RGS3: variants seen among roughly 807,000 people sequenced by gnomAD.
The protein encoded by RGS3 is regulator of G protein signaling 3.
In RGS3, 80 loss-of-function variants were observed where a neutral mutation model predicts 132.6. The observed-to-expected ratio is 0.60, with a 90% CI of 0.50 to 0.73. The LOEUF (loss-of-function observed/expected upper bound fraction) is 0.73, where lower values mean the gene tolerates loss of function less well. Among genes scored for constraint, RGS3 ranks in the 30% least tolerant of loss-of-function variants. The pLI, the probability that RGS3 is intolerant of heterozygous loss-of-function variation, is 0.00. For synonymous variants in RGS3, 598 were observed against 620.6 expected, an observed-to-expected ratio of 0.96 and a Z score of 0.54; for missense variants, 1,382 against 1,530.8, an observed-to-expected ratio of 0.90 and a Z score of 1.62.
exon 20 of RGS3, chr9:113,584,204 T>C (rs1834989937): frequency 6.2e-7 from 1 of 1,613,928 alleles, no homozygotes; most frequent in Admixed American, 1.7e-5. Flanking sequence ...GGCCTCTCAC[T>C]GCGTGTGCAG....
chr9:113,533,589 C>T (rs540355633), intron 18 of RGS3, among the ~76,000 whole-genome samples: 5 of 152,298 alleles, frequency 3.3e-5, no homozygotes, highest in South Asian at 4.2e-4. Context: ...AGGCAGAATT[C>T]CTGCTTCAGA....
chr9:113,585,248 GCT>G (rs536074830), intron 20 of RGS3, among the ~76,000 whole-genome samples: 16 of 152,316 alleles, frequency 1.1e-4, no homozygotes, highest in Middle Eastern at 3.4e-3. Context: ...TTGGGTCTGG[GCT>G]CTGTTTCTTA....
At chr9:113,584,535 C>A in intron 20 of RGS3, 108 bp downstream of exon 18, 2 of 1,250,494 alleles carry the variant, frequency 1.6e-6, no homozygotes, top group Non-Finnish European at 2.1e-6. Context: ...ACTATCCTGG[C>A]AGCCTCCCAG....
intron 6 of RGS3, 37 bp from the exon 5 acceptor site, chr9:113,485,588 C>G: frequency 3.9e-6 from 6 of 1,547,204 alleles, no homozygotes; most frequent in Admixed American, 1.9e-5. Flanking sequence ...GGAGCTCAGC[C>G]CTTACTAACA....
At chr9:113,468,974 A>G (rs964715617) in intron 3 of RGS3, among the ~76,000 whole-genome samples, 5 of 151,430 alleles carry the variant, frequency 3.3e-5, no homozygotes, top group Admixed American at 6.6e-5. Flanking sequence ...CTGATTTGCC[A>G]TAGGGAAGTT....
chr9:113,596,817 G>A, exon 25 of RGS3: 1 of 1,613,622 alleles, frequency 6.2e-7, no homozygotes, highest in Non-Finnish European at 8.5e-7. Flanking sequence ...AACCTGCAGA[G>A]CGTCACGCGG....
intron 19 of RGS3, among the ~76,000 whole-genome samples, chr9:113,577,502 A>G (rs1457507898): frequency 2.0e-5 from 3 of 152,224 alleles, no homozygotes; most frequent in Non-Finnish European, 2.9e-5. Context: ...TGGTGGCTTC[A>G]TTGATACAGG....
chr9:113,493,011 T>A (rs1273820084), intron 7 of RGS3, among the ~76,000 whole-genome samples: 1 of 152,174 alleles, frequency 6.6e-6, no homozygotes, highest in African/African-American at 2.4e-5. Flanking sequence ...ACTTTGAAAG[T>A]TTCAGCCCTA....
At chr9:113,557,865 A>G (rs1833633924) in intron 19 of RGS3, among the ~76,000 whole-genome samples, 2 of 152,164 alleles carry the variant, frequency 1.3e-5, no homozygotes, top group Non-Finnish European at 2.9e-5. Flanking sequence ...GAGGAAGGGG[A>G]ACAGAGCATG....
At chr9:113,501,679 G>T in intron 10 of RGS3, 2 of 1,516,196 alleles carry the variant, frequency 1.3e-6, no homozygotes. Flanking sequence ...TCAGGGATAG[G>T]GGTAGAGGGA....
chr9:113,524,667 T>G (rs950809656), intron 17 of RGS3, among the ~76,000 whole-genome samples: 3 of 152,204 alleles, frequency 2.0e-5, no homozygotes. Flanking sequence ...CCTTTCCCTT[T>G]GCCTTCAGTT....
At chr9:113,570,693 C>T (rs1834244994) in intron 19 of RGS3, among the ~76,000 whole-genome samples, 1 of 152,004 alleles carries the variant, frequency 6.6e-6, no homozygotes, top group East Asian at 1.9e-4. Flanking sequence ...CTCTGTTGCC[C>T]AGGCTGGGGT....
rs549137187 is a variant in RGS3 at position 113,539,592 on chromosome 9, C to T, written c.2037+2674C>T. Among the ~76,000 whole-genome samples the T allele has an allele frequency of 3.3e-5, 5 of 152,274 alleles. No individual in the cohort carries two copies. In the South Asian group the frequency reaches 1.0e-3, roughly 32 times the overall value. The stretch of plus-strand genomic sequence containing the variant: ...CTTTTCTGTGTTCTTTCTGTGGATG[C>T]TCCACCTTCTGCTGAACAAAGGAAA... On this transcript the variant is annotated intron_variant, in intron 19 of 24. Transcript: ENST00000350696.
chr9:113,562,208 G>T (rs1460073568), intron 19 of RGS3, among the ~76,000 whole-genome samples: 1 of 152,190 alleles, frequency 6.6e-6, no homozygotes, highest in African/African-American at 2.4e-5. Flanking sequence ...TGGGCACGTG[G>T]CTCTTGCCCG....
chr9:113,498,189 C>G (rs1830748253), intron 10 of RGS3, 109 bp downstream of exon 8: 1 of 865,794 alleles, frequency 1.2e-6, no homozygotes, highest in Non-Finnish European at 1.9e-6. Flanking sequence ...TGAAACTCAG[C>G]AAGTCATGTA....
chr9:113,579,376 G>C lies in RGS3; in HGVS notation c.2038-4074G>C, dbSNP rs945116425. 5.3e-5 allele frequency among the ~76,000 whole-genome samples: 8 copies of C among 152,236 alleles called. No individual in the cohort carries two copies. Among genetic ancestry groups the C allele is most frequent in the Non-Finnish European group, 5.9e-5 (4 of 68,032 alleles). On this transcript the variant is annotated intron_variant, in intron 19 of 24. Transcript: ENST00000350696. The surrounding 1 kb of genome is among the most constrained non-coding windows in gnomAD (Gnocchi z 4.3). Reference sequence around the variant, plus strand: ...TGAGCTCTGGATTGGATTTGGGAGAGGATTTGATTAGGTCCTAAACAGTGA... The same window carrying C: ...TGAGCTCTGGATTGGATTTGGGAGACGATTTGATTAGGTCCTAAACAGTGA...
intron 7 of RGS3, among the ~76,000 whole-genome samples, chr9:113,494,995 C>T (rs1345950161): frequency 2.0e-5 from 3 of 152,152 alleles, no homozygotes; most frequent in African/African-American, 7.2e-5. Flanking sequence ...CTGCCTCAGC[C>T]TCCTGAGTAG....
At chr9:113,554,726 C>A (rs543707681) in intron 19 of RGS3, among the ~76,000 whole-genome samples, 12 of 152,284 alleles carry the variant, frequency 7.9e-5, no homozygotes, top group African/African-American at 2.9e-4. Flanking sequence ...TGTGGTTAGA[C>A]TATTAACCAT....
At chr9:113,457,247 G>A (rs770809134), upstream of RGS3, among the ~76,000 whole-genome samples, 20 of 152,038 alleles carry the variant, frequency 1.3e-4, no homozygotes, top group Non-Finnish European at 2.5e-4. Flanking sequence ...TGTTCTTTCT[G>A]CCTGTAACCC....
Sources: allele counts gnomAD v4.1 joint callset (sites outside exome capture counted in the v4.1 genomes callset), GRCh38; gene constraint gnomAD v4.1.1; non-coding constraint Gnocchi (gnomAD v3.1); transcripts MANE v1.5; gene names NCBI Gene and HGNC (gene_info 2026-07-23, HGNC 2026-07-21).